Variants in COL21A1 observed in about 807,000 individuals in gnomAD.
COL21A1 encodes the protein collagen alpha-1(XXI) chain.
COL21A1 carries 149 observed loss-of-function variants against 137.9 expected under a neutral mutation model. The observed-to-expected ratio is 1.08, with a 90% CI of 0.95 to 1.24. The LOEUF (loss-of-function observed/expected upper bound fraction) is 1.24, where lower values mean the gene tolerates loss of function less well. Among genes scored for constraint, COL21A1 ranks in the 50% most tolerant of loss-of-function variants. The pLI is 0.00. For missense variants in COL21A1, 1,167 were observed against 1,158.4 expected, an observed-to-expected ratio of 1.01 and a Z score of -0.11; for synonymous variants, 456 against 391.5, an observed-to-expected ratio of 1.16 and a Z score of -1.95.
chr6:56,382,829 G>C (rs2094011027), intron 1 of COL21A1, among the ~76,000 whole-genome samples: 1 of 152,080 alleles, frequency 6.6e-6, no homozygotes, highest in Admixed American at 6.6e-5. Flanking sequence ...CCATCCTATG[G>C]TATTTTGTTA....
At chr6:56,112,510 C>T (rs1169925304) in intron 16 of COL21A1, among the ~76,000 whole-genome samples, 1 of 151,980 alleles carries the variant, frequency 6.6e-6, no homozygotes, top group African/African-American at 2.4e-5. Flanking sequence ...GCCACCCCTC[C>T]CCCTTCCCCA....
At chr6:56,287,083 A>G (rs1198166543) in intron 1 of COL21A1, among the ~76,000 whole-genome samples, 1 of 152,192 alleles carries the variant, frequency 6.6e-6, no homozygotes, top group Non-Finnish European at 1.5e-5. Context: ...AGATTTCCAT[A>G]TTAATAGAAA....
intron 1 of COL21A1, among the ~76,000 whole-genome samples, chr6:56,223,042 CAAA>C (rs3065976): frequency 7.4e-4 from 111 of 149,332 alleles, no homozygotes; most frequent in Admixed American, 2.4e-3. Flanking sequence ...CTATTCAGAA[CAAA>C]AAAAAAAAAA....
chr6:56,335,094 T>C (rs1281991085), intron 1 of COL21A1, among the ~76,000 whole-genome samples: 1 of 152,100 alleles, frequency 6.6e-6, no homozygotes, highest in Non-Finnish European at 1.5e-5. Context: ...GATAGACTAA[T>C]ACTAACTGGG....
In COL21A1 at chr6:56,126,292, C is replaced by T. The variant is rs1773046677; in HGVS notation, c.1543-143G>A. The T allele has an allele frequency of 6.9e-6, 4 of 579,872 alleles. No individual in the cohort carries two copies. The East Asian group carries it at 1.3e-4, about 19-fold the overall frequency. The allele number at this position is 579,872 out of a possible 1,614,324, so 35.9% of individuals were successfully genotyped here. On this transcript the variant is annotated intron_variant, in intron 12 of 29. Transcript: ENST00000244728. ...TAATTTCATATCAGCATTCAATTATCTCTATGAAAAATTATCCCTACTTTT... is the reference window on the plus strand; with the variant it reads ...TAATTTCATATCAGCATTCAATTATTTCTATGAAAAATTATCCCTACTTTT...
chr6:56,098,580 TATATAA>T lies in COL21A1; in HGVS notation c.1812+2886_1812+2891del, dbSNP rs1180592892. Among the ~76,000 whole-genome samples, 12 of 47,608 alleles carry T rather than the reference TATATAA, an allele frequency of 2.5e-4. 3 individuals are homozygous for T. Among genetic ancestry groups the T allele is most frequent in the South Asian group, 7.1e-4 (1 of 1,416 alleles). 31.2% of individuals were successfully genotyped at this position (47,608 alleles called of 152,430 possible). On this transcript the variant is annotated intron_variant, in intron 17 of 29. Transcript: ENST00000244728. ...ATAAATATATAAATATATATAAATA[TATATAA>T]ATATATAAATATATATATAAATATA...
rs116367684 is a variant in COL21A1 at position 56,319,089 on chromosome 6, G to A, written c.-39+74882C>T. Among the ~76,000 whole-genome samples the A allele has an allele frequency of 3.7e-3, 567 of 152,182 alleles. 3 individuals carry two copies. The highest frequency in any genetic ancestry group is 0.013 in the African/African-American group (527 of 41,516). ...CCAGCAGCACTTGACACAGTTGATC[G>A]CACCCTTCTCTCAACACTTTCTTCA... is the stretch of plus-strand genomic sequence containing the variant. On this transcript the variant is annotated intron_variant, in intron 1 of 28. Transcript: ENST00000370819.
At chr6:56,126,026 A>C (rs1426195814) in intron 13 of COL21A1, 70 bp downstream of exon 13, 2 of 835,514 alleles carry the variant, frequency 2.4e-6, no homozygotes, top group Admixed American at 5.9e-5. Context: ...CATATTTGTA[A>C]TATAAAAGTA....
intron 3 of COL21A1, 111 bp downstream of exon 3, chr6:56,179,467 T>A: frequency 2.8e-6 from 2 of 718,418 alleles, no homozygotes; most frequent in Non-Finnish European, 2.2e-6. Context: ...ACATTATAAT[T>A]GACATTAAAT....
chr6:56,114,460 T>A (rs1771727981), intron 16 of COL21A1, among the ~76,000 whole-genome samples: 1 of 152,088 alleles, frequency 6.6e-6, no homozygotes, highest in African/African-American at 2.4e-5. Context: ...CATTTAGAAC[T>A]CAAACAAATT....
At chr6:56,301,202 C>T (rs559073689) in intron 1 of COL21A1, among the ~76,000 whole-genome samples, 2 of 152,124 alleles carry the variant, frequency 1.3e-5, no homozygotes, top group Non-Finnish European at 2.9e-5. Context: ...AATTAAGGAT[C>T]TTGAAATGAG....
At chr6:56,196,986 T>A (rs914941184) in intron 1 of COL21A1, among the ~76,000 whole-genome samples, 6 of 151,986 alleles carry the variant, frequency 3.9e-5, no homozygotes, top group African/African-American at 1.4e-4. Context: ...AGTTATATTA[T>A]AAAGCTATAG....
intron 1 of COL21A1, among the ~76,000 whole-genome samples, chr6:56,213,606 G>A (rs754249865): frequency 6.6e-6 from 1 of 151,930 alleles, no homozygotes; most frequent in Non-Finnish European, 1.5e-5. Flanking sequence ...GCATATATGA[G>A]GTTAAATAAT....
intron 1 of COL21A1, among the ~76,000 whole-genome samples, chr6:56,367,847 T>C (rs530358408): frequency 1.3e-5 from 2 of 152,338 alleles, no homozygotes; most frequent in Admixed American, 6.5e-5. Context: ...CACGGGTAGC[T>C]GGGACTACAG....
intron 18 of COL21A1, 78 bp downstream of exon 18, chr6:56,077,451 A>C: frequency 1.1e-6 from 1 of 947,676 alleles, no homozygotes. Flanking sequence ...CCACAAATGT[A>C]AAACTGTATT....
intron 5 of COL21A1, among the ~76,000 whole-genome samples, chr6:56,168,850 A>G (rs543815047): frequency 6.6e-6 from 1 of 151,878 alleles, no homozygotes; most frequent in African/African-American, 2.4e-5. Flanking sequence ...CTCCAGGCCA[A>G]TTATCACTGG....
intron 1 of COL21A1, among the ~76,000 whole-genome samples, chr6:56,365,922 A>C (rs1485524139): frequency 6.6e-6 from 1 of 152,210 alleles, no homozygotes; most frequent in African/African-American, 2.4e-5. Context: ...GACTGCAAGA[A>C]GAATTCTAAT....
At chr6:56,303,438 G>T (rs1271122723) in intron 1 of COL21A1, among the ~76,000 whole-genome samples, 1 of 151,962 alleles carries the variant, frequency 6.6e-6, no homozygotes, top group Non-Finnish European at 1.5e-5. Flanking sequence ...CCTTGAAGAG[G>T]TCCTTCACAT....
chr6:56,204,291 G>A (rs1292342348), intron 1 of COL21A1, among the ~76,000 whole-genome samples: 1 of 152,042 alleles, frequency 6.6e-6, no homozygotes, highest in African/African-American at 2.4e-5. Flanking sequence ...GGTATGGGGA[G>A]GGGCATGCAA....
Sources: gnomAD v4.1 joint callset for allele counts (sites outside exome capture counted in the v4.1 genomes callset) on GRCh38, gnomAD v4.1.1 for gene constraint, MANE v1.5 for transcripts, NCBI Gene and HGNC (gene_info 2026-07-23, HGNC 2026-07-21) for gene names.